Variants in PLK2 observed in about 807,000 individuals in gnomAD.
The protein encoded by PLK2 is serine/threonine-protein kinase PLK2.
PLK2 carries 25 observed loss-of-function variants against 78.1 expected under a neutral mutation model. That is an observed-to-expected ratio of 0.32 (90% CI 0.23 to 0.45). The LOEUF is 0.45. PLK2 is among the 20% of genes least tolerant of loss of function. The pLI is 1.00. For missense variants in PLK2, 566 were observed against 840.2 expected (o/e 0.67, Z 4.04); for synonymous variants, 332 against 298.2 (o/e 1.11, Z -1.17).
chr5:58,455,963 A>T, intron 10 of PLK2, 63 bp downstream of exon 10: 1 of 1,542,148 alleles, frequency 6.5e-7, no homozygotes, highest in Middle Eastern at 1.7e-4. Flanking sequence ...GACTTAAATT[A>T]TTATGTATTT....
At position 58,458,806 on chromosome 5, in the gene PLK2, AT is replaced by A. The variant is rs1743677770; in HGVS notation, c.413del (p.His138LeufsTer5). The A allele has an allele frequency of 6.2e-7, 1 of 1,605,502 alleles. No homozygotes were observed. The highest frequency in any genetic ancestry group is 1.1e-5 in the South Asian group (1 of 90,882). On this transcript the variant is annotated frameshift_variant, in exon 3 of 14. Coordinates refer to ENST00000274289, the MANE Select transcript of PLK2 (RefSeq NM_006622.4). LOFTEE classifies it high-confidence loss of function. ...GGTAAAACTGCACTACATGCTTATG[AT>A]GAAGAATTCTGTGAAGCTCTATTTC... Reference protein sequence around the residue: ...DKEIELHRILHHKHVVQFYHY... With the variant: ...DKEIELHRILXHKHVVQFYHY...
Position 58,456,228 on chromosome 5 carries a change from A to G in PLK2, c.1255-73T>C, listed in dbSNP as rs775253267. On this transcript the variant is annotated intron_variant, in intron 9 of 13. Coordinates refer to ENST00000274289, the MANE Select transcript of PLK2 (RefSeq NM_006622.4). ...TTAAGGGTGAGAATTCCAGATTAAG[A>G]TGAGAGTGAGGCAATTGCTGGGAAA... 2.5e-4 allele frequency: 365 copies of G among 1,435,364 alleles called. 1 individual carries two copies. The highest frequency in any genetic ancestry group is 8.0e-5 in the Non-Finnish European group (83 of 1,043,310). The allele number at this position is 1,435,364 out of a possible 1,614,324, so 88.9% of individuals were successfully genotyped here.
rs1236837478 is a variant in PLK2 at position 58,456,112 on chromosome 5, G to C, written c.1298C>G (p.Pro433Arg). ...PTTTVARSGT[P>R]AVENKQQIGD... ...AATCTGCTGCTTGTTTTCTACTGCGGGTGTTCCAGACCTGGCAACTGTGGT... is the reference window on the plus strand; with the variant it reads ...AATCTGCTGCTTGTTTTCTACTGCGCGTGTTCCAGACCTGGCAACTGTGGT... Residue 433 changes from proline to arginine, a missense_variant, in exon 10 of 14, where the codon CCC (proline) becomes CGC (arginine). This residue lies in a region of PLK2 where 129 missense variants were observed against 156.0 expected (regional missense o/e 0.83). Transcript: ENST00000274289. 2 of 1,613,926 alleles carry C rather than the reference G, an allele frequency of 1.2e-6. No individual in the cohort carries two copies. The highest frequency in any genetic ancestry group is 1.7e-6 in the Non-Finnish European group (2 of 1,179,936).
At chr5:58,458,694 C>T (rs765869381) in intron 3 of PLK2, 31 bp downstream of exon 3, 11 of 1,288,440 alleles carry the variant, frequency 8.5e-6, no homozygotes, top group Non-Finnish European at 1.2e-5. Context: ...TCGGGGTAAG[C>T]AAATGTTCTC....
Position 58,457,235 on chromosome 5 carries a change from G to C in PLK2, c.954C>G (p.Asn318Lys), listed in dbSNP as rs1432321433. ...KHLIASMLSK[N>K]PEDRPSLDDI... Reference sequence around the variant, plus strand: ...CATCCAAACTGGGACGATCCTCTGGGTTTTTGGACAACATACTAGCAATTA... The same window carrying C: ...CATCCAAACTGGGACGATCCTCTGGCTTTTTGGACAACATACTAGCAATTA... The change falls in exon 7 of 14, where the codon AAC becomes AAG. Residue 318 changes from asparagine (N) to lysine (K), a missense_variant. Coordinates refer to ENST00000274289, the MANE Select transcript of PLK2 (RefSeq NM_006622.4). 6.2e-6 allele frequency: 10 copies of C among 1,614,126 alleles called. No homozygotes were observed. The highest frequency in any genetic ancestry group is 8.5e-6 in the Non-Finnish European group (10 of 1,180,014).
rs773609342 is a variant in PLK2, at chr5:58,456,958, A to G, written c.1143T>C (p.Tyr381=). 9 of 1,605,240 alleles carry G rather than the reference A, an allele frequency of 5.6e-6. No individual in the cohort carries two copies. The change falls in exon 8 of 14, where the codon TAT becomes TAC. Residue 381 remains tyrosine, a synonymous_variant. Coordinates refer to ENST00000274289, the MANE Select transcript of PLK2 (RefSeq NM_006622.4). ...TTGTTAACTTACTATGTGTGTCAATATATCTTGCTTTGTCTTTTTTGCCAC... is the reference window on the plus strand; with the variant it reads ...TTGTTAACTTACTATGTGTGTCAATGTATCTTGCTTTGTCTTTTTTGCCAC... The part of the protein sequence containing the change: ...LFGGKKDKAR[Y]IDTHNRVSKE...
rs1458858744 is a variant in PLK2 at position 58,459,087 on chromosome 5, G to A, written c.276C>T (p.Gly92=). 6 of 1,596,452 alleles carry A rather than the reference G, an allele frequency of 3.8e-6. No homozygotes were observed. Among genetic ancestry groups the A allele is most frequent in the Non-Finnish European group, 5.2e-6 (6 of 1,164,266 alleles). Residue 92 remains glycine (G), a synonymous_variant, in exon 2 of 14, where the codon GGC becomes GGT. Transcript: ENST00000274289. ...YCRGKVLGKG[G]FAKCYEMTDL... is the part of the protein sequence containing the mutation. ...CTGTCATCTCGTAACATTTTGCAAA[G>A]CCACCCTGAAAGGAAACAAAGCCGA...
In PLK2 at chr5:58,454,204, CT is replaced by C. The variant is rs1743537202; in HGVS notation, c.*378del. ...AGCCAAAAGCTGCTCCAATTACAGC[CT>C]TTAAACAACATGGGAGCTTCCTCCC... On this transcript the variant is annotated 3_prime_UTR_variant, in exon 14 of 14. Coordinates refer to ENST00000274289, the MANE Select transcript of PLK2 (RefSeq NM_006622.4). 6.0e-6 allele frequency: 1 copy of C among 167,868 alleles called. No individual in the cohort carries two copies. The highest frequency in any genetic ancestry group is 1.3e-5 in the Non-Finnish European group (1 of 78,628). The allele number at this position is 167,868 out of a possible 1,614,324, so 10.4% of individuals were successfully genotyped here.
rs148634317 is a variant in PLK2, at chr5:58,455,189, G to A, written c.1755+96C>T. On this transcript the variant is annotated intron_variant, in intron 12 of 13. Transcript: ENST00000274289. ...GATTCAGTACACCAACGGTAGGTCA[G>A]GAGAATCTGTTTCTAACAAGCTTCA... 1.2e-4 allele frequency: 167 copies of A among 1,426,998 alleles called. 1 individual carries two copies. In the African/African-American group the frequency reaches 1.8e-3, roughly 15 times the overall value. 88.4% of individuals were successfully genotyped at this position (1,426,998 alleles called of 1,614,324 possible).
intron 1 of PLK2, 47 bp from the exon 2 acceptor site, chr5:58,459,139 G>T: frequency 1.1e-6 from 1 of 919,410 alleles, no homozygotes; most frequent in Non-Finnish European, 1.8e-6. Flanking sequence ...GCACAAAAAT[G>T]GACGGCAGAT....
chr5:58,455,512 C>T (rs540807703), intron 11 of PLK2, 27 bp downstream of exon 11: 2 of 1,613,364 alleles, frequency 1.2e-6, no homozygotes, highest in South Asian at 2.2e-5. Flanking sequence ...AGAGAACTGA[C>T]AGGATTTCAT....
chr5:58,456,036 G>A lies in PLK2; in HGVS notation c.1374C>T (p.Ser458=), dbSNP rs1743592386. Residue 458 remains serine (S), a synonymous_variant, in exon 10 of 14, where the codon AGC becomes AGT. Transcript: ENST00000274289. The part of the protein sequence containing the change: ...IVRGTLGSCS[S]SSECLEDSTM... ...TTGACAACCACTTACATTCACTGCT[G>A]CTGCTACAGCTGCCAAGAGTCCCTC... 1 of 1,611,146 alleles carries A rather than the reference G, an allele frequency of 6.2e-7. No homozygotes were observed. The highest frequency in any genetic ancestry group is 8.5e-7 in the Non-Finnish European group (1 of 1,179,266).
At chr5:58,459,584 A>C (rs1293217683) in intron 1 of PLK2, 106 bp downstream of exon 1, 2 of 1,044,190 alleles carry the variant, frequency 1.9e-6, no homozygotes, top group African/African-American at 1.6e-5. Context: ...CGGACCCCCG[A>C]AAAACCCGGA....
At chr5:58,459,210 G>C (rs1032913917) in intron 1 of PLK2, 118 bp from the exon 2 acceptor site, 1 of 655,150 alleles carries the variant, frequency 1.5e-6, no homozygotes, top group Admixed American at 2.6e-5. Flanking sequence ...TTGAGGAATG[G>C]AGGAGGGTGG....
At position 58,458,781 on chromosome 5, in the gene PLK2, G is replaced by T; in HGVS notation, c.439C>A (p.His147Asn). ...ATGTTTTCTTTGTCCTCGAAGTAGT[G>T]GTAAAACTGCACTACATGCTTATGA... ...LHHKHVVQFY[H>N]YFEDKENIYI... Residue 147 changes from histidine (H) to asparagine (N), a missense_variant, in exon 3 of 14, where the codon CAC becomes AAC. His to Asn is a moderately conservative substitution (Grantham distance 68, BLOSUM62 1). Transcript: ENST00000274289. 1.2e-6 allele frequency: 2 copies of T among 1,605,136 alleles called. No homozygotes were observed. The highest frequency in any genetic ancestry group is 8.5e-7 in the Non-Finnish European group (1 of 1,171,916).
chr5:58,456,621 A>T (rs1743612143), intron 8 of PLK2, 32 bp from the exon 9 acceptor site: 2 of 1,297,708 alleles, frequency 1.5e-6, no homozygotes, highest in Non-Finnish European at 2.2e-6. Context: ...TACAAACATT[A>T]GTCTATCTTA....
intron 3 of PLK2, 71 bp from the exon 4 acceptor site, chr5:58,458,599 G>A: frequency 6.8e-7 from 1 of 1,468,118 alleles, no homozygotes. Context: ...CCCTTTGCAG[G>A]ATGAGCAATG....
At chr5:58,456,846 T>C (rs947394663) in intron 8 of PLK2, 99 bp downstream of exon 8, 6 of 776,556 alleles carry the variant, frequency 7.7e-6, no homozygotes, top group Admixed American at 2.6e-5. Flanking sequence ...TACGCAAATA[T>C]GGCCAAGTTA....
intron 10 of PLK2, 108 bp downstream of exon 10, chr5:58,455,918 C>A: frequency 6.8e-7 from 1 of 1,467,082 alleles, no homozygotes. Context: ...TGTAATCTTA[C>A]TACTTCTATG....
Sources: allele counts gnomAD v4.1 joint callset, GRCh38; gene constraint gnomAD v4.1.1; regional missense constraint gnomAD v4.1.1; transcripts MANE v1.5; gene names NCBI Gene and HGNC (gene_info 2026-07-23, HGNC 2026-07-21).